Variants in CEACAM21 observed in about 807,000 individuals in gnomAD.
CEACAM21 encodes the protein CEA cell adhesion molecule 21, also known as cell adhesion molecule CEACAM21.
Under a neutral mutation model 33.2 loss-of-function variants are expected in CEACAM21, and 38 were observed. The ratio of observed to expected loss-of-function variants is 1.14; its 90% CI spans 0.88 to 1.50. The LOEUF (loss-of-function observed/expected upper bound fraction) is 1.50. Among genes scored for constraint, CEACAM21 ranks in the 40% most tolerant of loss-of-function variants. The pLI is 0.00. For synonymous variants in CEACAM21, 156 were observed against 143.0 expected (o/e 1.09, Z -0.65); for missense variants, 385 against 364.6 (o/e 1.06, Z -0.46).
chr19:41,558,197 A>G (rs555739982), intron 1 of CEACAM21, among the ~76,000 whole-genome samples: 57 of 152,196 alleles, frequency 3.7e-4, no homozygotes, highest in Non-Finnish European at 6.5e-4. Flanking sequence ...CTTCATAATT[A>G]TAAGTCATGA....
At chr19:41,561,140 A>G (rs2041858870) in intron 1 of CEACAM21, among the ~76,000 whole-genome samples, 1 of 152,368 alleles carries the variant, frequency 6.6e-6, no homozygotes, top group South Asian at 2.1e-4. Flanking sequence ...AGACACAATG[A>G]CATTTGTTGA....
At chr19:41,578,572 G>T (rs1185374671) in intron 2 of CEACAM21, among the ~76,000 whole-genome samples, 1 of 152,182 alleles carries the variant, frequency 6.6e-6, no homozygotes, top group African/African-American at 2.4e-5. Flanking sequence ...TGGACCCCAG[G>T]ACCAGATGTT....
At chr19:41,549,953 T>C (rs916227891) in intron 1 of CEACAM21, among the ~76,000 whole-genome samples, 3 of 152,352 alleles carry the variant, frequency 2.0e-5, no homozygotes, top group African/African-American at 7.2e-5. Context: ...TCCATTGTCG[T>C]TGAATTCTTA....
At chr19:41,575,768 C>T (rs80306533), upstream of CEACAM21, among the ~76,000 whole-genome samples, 1,731 of 152,276 alleles carry the variant, frequency 0.011, 45 homozygotes, top group African/African-American at 0.039. Flanking sequence ...TCCTTCCCAG[C>T]CATCACCCAG....
intron 2 of CEACAM21, among the ~76,000 whole-genome samples, chr19:41,569,189 T>C (rs1440785226): frequency 1.3e-5 from 2 of 152,052 alleles, no homozygotes; most frequent in Non-Finnish European, 2.9e-5. Context: ...TTAACAATAA[T>C]GTATTCCATA....
At chr19:41,559,192 A>G (rs1555786231) in intron 1 of CEACAM21, among the ~76,000 whole-genome samples, 1 of 152,240 alleles carries the variant, frequency 6.6e-6, no homozygotes, top group Non-Finnish European at 1.5e-5. Flanking sequence ...GCCAAATACT[A>G]CAGCTCAGAA....
rs782736064 is a variant in CEACAM21, at chr19:41,586,500, A to G, written c.*37A>G. 1 of 638,966 alleles carries G rather than the reference A, an allele frequency of 1.6e-6. No individual in the cohort carries two copies. The highest frequency in any genetic ancestry group is 1.8e-5 in the African/African-American group (1 of 54,444). The allele number at this position is 638,966 out of a possible 1,614,324, so 39.6% of individuals were successfully genotyped here. A position where few individuals can be genotyped will look rare whatever the true frequency, so the allele number is the denominator to read the frequency against. On this transcript the variant is annotated 3_prime_UTR_variant, in exon 7 of 7. Transcript: ENST00000401445. ...CTCTGACACAAACATTTACTGCTGG[A>G]TCGACCACAAAGCAGATGTGGCTTC...
rs74719400 is a variant in CEACAM21, at chr19:41,579,374, T to C, written c.446T>C (p.Ile149Thr). The C allele has an allele frequency of 6.2e-7, 1 of 1,613,886 alleles. No individual in the cohort carries two copies. Among genetic ancestry groups the C allele is most frequent in the East Asian group, 2.2e-5 (1 of 44,874 alleles). ...RVYESVAQPS[I>T]QASSTTVTEK... ...ACAGAGTCAGTGGCTCAGCCCTCCA[T>C]CCAAGCCAGCAGCACCACAGTCACA... is the stretch of plus-strand genomic sequence containing the variant. The change falls in exon 3 of 7, where the codon ATC becomes ACC. Residue 149 changes from isoleucine to threonine, a missense_variant. Physicochemically the swap from Ile to Thr is moderately conservative, Grantham distance 89. Coordinates refer to ENST00000401445, the MANE Select transcript of CEACAM21 (RefSeq NM_001098506.4).
At chr19:41,559,555 A>T (rs2122171267) in intron 1 of CEACAM21, among the ~76,000 whole-genome samples, 1 of 152,340 alleles carries the variant, frequency 6.6e-6, no homozygotes, top group African/African-American at 2.4e-5. Flanking sequence ...ATAAATATAA[A>T]GGCAAAAAAT....
Position 41,584,423 on chromosome 19 carries a change from G to C in CEACAM21, c.777G>C (p.Leu259=), listed in dbSNP as rs1377499485. 2 of 1,607,792 alleles carry C rather than the reference G, an allele frequency of 1.2e-6. No homozygotes were observed. The highest frequency in any genetic ancestry group is 1.7e-6 in the Non-Finnish European group (2 of 1,176,880). Residue 259 remains leucine (L), a synonymous_variant, in exon 4 of 7, where the codon CTG becomes CTC. Transcript: ENST00000401445. ...SLLVAALVCF[L]LLRKTGRASD... ...TGGTGGCTGCACTTGTGTGTTTCCT[G>C]CTCCTCCGAAAAACTGGCAGGTACC...
rs532107945 is a variant in CEACAM21, at chr19:41,554,332, A to G, written c.-779+4780A>G. On this transcript the variant is annotated intron_variant, in intron 1 of 7. Transcript: ENST00000407170. ...AGGGCCAAAACAAGGTAACATGTGT[A>G]TATGGGTGACTGAACGTTTTAGGGT... Among the ~76,000 whole-genome samples the G allele has an allele frequency of 2.0e-5, 3 of 152,194 alleles. 1 individual carries two copies. Among genetic ancestry groups the G allele is most frequent in the South Asian group, 2.1e-4 (1 of 4,824 alleles).
chr19:41,581,331 A>C (rs1555793487), intron 3 of CEACAM21, among the ~76,000 whole-genome samples: 2 of 152,240 alleles, frequency 1.3e-5, no homozygotes, highest in Non-Finnish European at 2.9e-5. Flanking sequence ...GGTTTCCCAT[A>C]AGGGATACTT....
chr19:41,578,834 C>G (rs2043151371), intron 2 of CEACAM21, among the ~76,000 whole-genome samples: 1 of 152,184 alleles, frequency 6.6e-6, no homozygotes, highest in Non-Finnish European at 1.5e-5. Flanking sequence ...AAGGACTCAG[C>G]TTTCTCTTCC....
chr19:41,568,264 C>G (rs2042391466), intron 2 of CEACAM21, among the ~76,000 whole-genome samples: 4 of 151,190 alleles, frequency 2.6e-5, no homozygotes, highest in Non-Finnish European at 4.4e-5. Flanking sequence ...TTTTTCTTTG[C>G]TGTATAAAAG....
upstream of CEACAM21, among the ~76,000 whole-genome samples, chr19:41,574,695 GT>G (rs2042819075): frequency 6.6e-6 from 1 of 152,156 alleles, no homozygotes; most frequent in Non-Finnish European, 1.5e-5. Flanking sequence ...AATAGTAAGT[GT>G]TTACAAGAAT....
chr19:41,550,960 T>C (rs2041164577), intron 1 of CEACAM21, among the ~76,000 whole-genome samples: 1 of 152,186 alleles, frequency 6.6e-6, no homozygotes, highest in Admixed American at 6.5e-5. Context: ...ATTGTTGAAC[T>C]TCCATCCTGA....
chr19:41,570,996 C>A (rs1032113071), intron 2 of CEACAM21, among the ~76,000 whole-genome samples: 2 of 152,054 alleles, frequency 1.3e-5, no homozygotes, highest in Non-Finnish European at 2.9e-5. Context: ...GAGGGCACAG[C>A]AGGGCTCTCC....
chr19:41,560,024 C>T (rs1555786442), intron 1 of CEACAM21, among the ~76,000 whole-genome samples: 1 of 151,264 alleles, frequency 6.6e-6, no homozygotes, highest in East Asian at 1.9e-4. Context: ...AAACAAAAAG[C>T]ATGAGTAGCC....
chr19:41,566,248 C>T (rs2042259197), intron 2 of CEACAM21, among the ~76,000 whole-genome samples: 1 of 152,178 alleles, frequency 6.6e-6, no homozygotes, highest in Admixed American at 6.5e-5. Flanking sequence ...TTACAGAATA[C>T]GTTACTTATG....
Sources: allele counts gnomAD v4.1 joint callset (sites outside exome capture counted in the v4.1 genomes callset), GRCh38; gene constraint gnomAD v4.1.1; transcripts MANE v1.5; gene names NCBI Gene and HGNC (gene_info 2026-07-23, HGNC 2026-07-21).